The following ZHX3 variants were observed in gnomAD, a reference collection of about 807,000 sequenced individuals.
The protein encoded by ZHX3 is zinc fingers and homeoboxes protein 3.
Under a neutral mutation model 64.5 loss-of-function variants are expected in ZHX3, and 20 were observed. That is an observed-to-expected ratio of 0.31 (90% CI 0.22 to 0.45). ZHX3 has a LOEUF of 0.45. Among genes scored for constraint, ZHX3 ranks in the 20% least tolerant of loss-of-function variants. ZHX3 has a pLI of 1.00. For synonymous variants in ZHX3, 423 were observed against 461.6 expected (o/e 0.92, Z 1.07); for missense variants, 1,041 against 1,195.8 (o/e 0.87, Z 1.91).
chr20:41,196,401 ATTATATATTATATATAATATATATTT>A (rs2037530735), intron 3 of ZHX3, among the ~76,000 whole-genome samples: 1 of 33,810 alleles, frequency 3.0e-5, no homozygotes, highest in African/African-American at 1.7e-4. Context: ...ATTTATATAT[ATTATATATTATATATAATATATATTT>A]ATATAAATAT....
chr20:41,222,891 C>A, intron 2 of ZHX3, among the ~76,000 whole-genome samples: 1 of 144,450 alleles, frequency 6.9e-6, no homozygotes, highest in Admixed American at 7.1e-5. Flanking sequence ...ACTTGAATTT[C>A]TCAAGAACAT....
chr20:41,270,472 G>A (rs1391327601), intron 1 of ZHX3, among the ~76,000 whole-genome samples: 2 of 151,704 alleles, frequency 1.3e-5, no homozygotes, highest in African/African-American at 4.8e-5. Flanking sequence ...TCAGGAGAGC[G>A]AGACCATCCT....
In ZHX3 at chr20:41,280,045, C is replaced by G. The variant is rs140189066; in HGVS notation, c.-244-10962G>C. Among the ~76,000 whole-genome samples, 1,270 of 152,320 alleles carry G rather than the reference C, an allele frequency of 8.3e-3. 8 individuals carry two copies. Among genetic ancestry groups the G allele is most frequent in the South Asian group, 0.016 (76 of 4,826 alleles). On this transcript the variant is annotated intron_variant, in intron 1 of 3. Transcript: ENST00000683867. ...ATCAGCTGTGGGGGAACCACCCACA[C>G]AGGCGCTGGGACTACAGAATGAAGA...
intron 2 of ZHX3, among the ~76,000 whole-genome samples, chr20:41,233,421 C>T (rs2146398886): frequency 6.6e-6 from 1 of 152,314 alleles, no homozygotes; most frequent in Non-Finnish European, 1.5e-5. Context: ...ATTCAATGAG[C>T]TCAAAAAGTT....
chr20:41,209,074 G>C (rs2038953801), intron 2 of ZHX3, among the ~76,000 whole-genome samples: 1 of 152,196 alleles, frequency 6.6e-6, no homozygotes, highest in Admixed American at 6.5e-5. Flanking sequence ...CAAATCATGA[G>C]TGAACTCCCA....
At chr20:41,262,949 A>G (rs1173922280) in intron 2 of ZHX3, among the ~76,000 whole-genome samples, 1 of 152,234 alleles carries the variant, frequency 6.6e-6, no homozygotes, top group Non-Finnish European at 1.5e-5. Flanking sequence ...TTAGTAAATA[A>G]ATTCAGAAAA....
chr20:41,314,903 T>C (rs2045242572), intron 1 of ZHX3, among the ~76,000 whole-genome samples: 1 of 152,200 alleles, frequency 6.6e-6, no homozygotes, highest in African/African-American at 2.4e-5. Context: ...GTGCAGTTTC[T>C]GAGCCCTGAG....
intron 1 of ZHX3, chr20:41,299,840 G>A (rs1170590167): frequency 1.4e-5 from 2 of 138,736 alleles, no homozygotes; most frequent in African/African-American, 5.8e-5. Context: ...TCCAGCCTGG[G>A]CGACAGAAGG....
rs950958504 is a variant in ZHX3 at position 41,182,180 on chromosome 20, C to G, written c.*3011G>C. 1 of 152,100 alleles carries G rather than the reference C, an allele frequency of 6.6e-6. No individual in the cohort carries two copies. The highest frequency in any genetic ancestry group is 6.5e-5 in the Admixed American group (1 of 15,268). 9.4% of individuals were successfully genotyped at this position (152,100 alleles called of 1,614,324 possible). On this transcript the variant is annotated 3_prime_UTR_variant, in exon 4 of 4. Transcript: ENST00000683867. This position sits in a 1 kb window ranked among gnomAD's most constrained non-coding sequence, Gnocchi z 6.1. ...ACCTTTGAGAACTCGATCTACAACC[C>G]CATGTAAAAAACAAATGGGTACAAG... is the stretch of plus-strand genomic sequence containing the variant.
At chr20:41,311,848 C>A (rs191074288) in intron 1 of ZHX3, among the ~76,000 whole-genome samples, 2 of 152,176 alleles carry the variant, frequency 1.3e-5, no homozygotes, top group African/African-American at 4.8e-5. Flanking sequence ...CTGGTACATA[C>A]GAATTCTCGA....
chr20:41,212,018 A>G lies in ZHX3; in HGVS notation c.-150-6952T>C, dbSNP rs1302829501. Among the ~76,000 whole-genome samples the G allele has an allele frequency of 1.3e-5, 2 of 152,254 alleles. No individual in the cohort carries two copies. The highest frequency in any genetic ancestry group is 2.9e-5 in the Non-Finnish European group (2 of 68,050). ...CATCAAGTAGAATATCTGAAAGCACAAACGACAAAAGAAAAAACAGATAAA... is the reference window on the plus strand; with the variant it reads ...CATCAAGTAGAATATCTGAAAGCACGAACGACAAAAGAAAAAACAGATAAA... On this transcript the variant is annotated intron_variant, in intron 2 of 3. Transcript: ENST00000683867. This position sits in a 1 kb window ranked among gnomAD's most constrained non-coding sequence, Gnocchi z 4.3.
At position 41,219,352 on chromosome 20, in the gene ZHX3, A is replaced by C. The variant is rs144856955; in HGVS notation, c.-150-14286T>G. Among the ~76,000 whole-genome samples, 1 of 152,204 alleles carries C rather than the reference A, an allele frequency of 6.6e-6. No homozygotes were observed. The highest frequency in any genetic ancestry group is 6.5e-5 in the Admixed American group (1 of 15,280). ...CAAGCTCAGAAGGTGATTGTGATAT[A>C]AATACAAAGGCCTCAGAATTAAAGA... is the stretch of plus-strand genomic sequence containing the variant. On this transcript the variant is annotated intron_variant, in intron 2 of 3. Transcript: ENST00000683867. The surrounding 1 kb of genome is among the most constrained non-coding windows in gnomAD (Gnocchi z 5.0).
intron 2 of ZHX3, among the ~76,000 whole-genome samples, chr20:41,259,181 C>T (rs561357731): frequency 7.9e-5 from 12 of 152,232 alleles, no homozygotes; most frequent in Admixed American, 7.2e-4. Flanking sequence ...GGACTTTGGG[C>T]AAGTTGCCTA....
At chr20:41,273,397 C>T (rs1018770029) in intron 1 of ZHX3, among the ~76,000 whole-genome samples, 2 of 152,036 alleles carry the variant, frequency 1.3e-5, no homozygotes, top group East Asian at 3.8e-4. Flanking sequence ...TTTTTTCTTT[C>T]GTTGCTTGTG....
intron 1 of ZHX3, among the ~76,000 whole-genome samples, chr20:41,287,573 G>C (rs1160208548): frequency 6.6e-6 from 1 of 152,182 alleles, no homozygotes; most frequent in Non-Finnish European, 1.5e-5. Flanking sequence ...CCTGGGTTCT[G>C]TTTCTTACTT....
intron 2 of ZHX3, among the ~76,000 whole-genome samples, chr20:41,255,010 T>C (rs1355363774): frequency 6.6e-6 from 1 of 152,068 alleles, no homozygotes; most frequent in African/African-American, 2.4e-5. Flanking sequence ...ATTGATGAAC[T>C]GGGACTTGAA....
rs1285751161 is a variant in ZHX3 at position 41,219,343 on chromosome 20, T to C, written c.-150-14277A>G. Among the ~76,000 whole-genome samples the C allele has an allele frequency of 6.6e-6, 1 of 152,204 alleles. No homozygotes were observed. Among genetic ancestry groups the C allele is most frequent in the Non-Finnish European group, 1.5e-5 (1 of 68,042 alleles). On this transcript the variant is annotated intron_variant, in intron 2 of 3. Transcript: ENST00000683867. This position sits in a 1 kb window ranked among gnomAD's most constrained non-coding sequence, Gnocchi z 5.0. ...GTTCTTTCTCAAGCTCAGAAGGTGA[T>C]TGTGATATAAATACAAAGGCCTCAG...
intron 2 of ZHX3, among the ~76,000 whole-genome samples, chr20:41,235,388 C>T (rs148132441): frequency 0.07 from 10,679 of 152,194 alleles, 410 homozygotes; most frequent in Middle Eastern, 0.17. Context: ...TACTGGCAAA[C>T]CGAATCCAGC....
intron 1 of ZHX3, among the ~76,000 whole-genome samples, chr20:41,277,303 A>G (rs2043430148): frequency 6.6e-6 from 1 of 152,230 alleles, no homozygotes; most frequent in Admixed American, 6.5e-5. Flanking sequence ...ATCTCTTACA[A>G]AAGAAACAAA....
Sources: allele counts gnomAD v4.1 joint callset (sites outside exome capture counted in the v4.1 genomes callset), GRCh38; gene constraint gnomAD v4.1.1; non-coding constraint Gnocchi (gnomAD v3.1); transcripts MANE v1.5; gene names NCBI Gene and HGNC (gene_info 2026-07-23, HGNC 2026-07-21).